Variants in NTM observed in about 807,000 individuals in gnomAD.
NTM encodes neurotrimin, also known as IgLON family member 2.
A neutral mutation model predicts 42.1 loss-of-function variants in NTM; 13 were observed. The ratio of observed to expected loss-of-function variants is 0.31; its 90% CI spans 0.20 to 0.49. The LOEUF (loss-of-function observed/expected upper bound fraction) is 0.49. Among genes scored for constraint, NTM ranks in the 20% least tolerant of loss-of-function variants. NTM has a pLI of 0.99. For synonymous variants in NTM, 187 were observed against 179.2 expected (o/e 1.04, Z -0.35); for missense variants, 373 against 452.8 (o/e 0.82, Z 1.60).
chr11:131,524,205 C>T (rs538013838), intron 1 of NTM, among the ~76,000 whole-genome samples: 1 of 152,214 alleles, frequency 6.6e-6, no homozygotes, highest in African/African-American at 2.4e-5. Context: ...TCACGCCTTG[C>T]TGCTGTGGAA....
At chr11:131,673,648 C>T (rs1228865570) in intron 1 of NTM, among the ~76,000 whole-genome samples, 1 of 152,186 alleles carries the variant, frequency 6.6e-6, no homozygotes, top group East Asian at 1.9e-4. Context: ...AAATGCTCTT[C>T]CATCCCTCAC....
chr11:131,940,844 G>A (rs543642027), intron 2 of NTM, among the ~76,000 whole-genome samples: 17 of 152,238 alleles, frequency 1.1e-4, no homozygotes, highest in African/African-American at 2.6e-4. Flanking sequence ...GATAATTATC[G>A]CAATTATTTA....
At chr11:132,281,331 T>C (rs1007569426) in intron 4 of NTM, among the ~76,000 whole-genome samples, 2 of 152,194 alleles carry the variant, frequency 1.3e-5, no homozygotes, top group African/African-American at 4.8e-5. Context: ...TTTCTTAATA[T>C]ATTATTATTT....
intron 2 of NTM, among the ~76,000 whole-genome samples, chr11:132,015,620 A>G (rs1190855598): frequency 6.9e-6 from 1 of 144,416 alleles, no homozygotes; most frequent in African/African-American, 2.5e-5. Flanking sequence ...TCTGAAGTAA[A>G]ATTTATTCTT....
At chr11:132,311,468 A>G (rs7932222) in intron 6 of NTM, among the ~76,000 whole-genome samples, 2,048 of 152,300 alleles carry the variant, frequency 0.013, 42 homozygotes, top group African/African-American at 0.047. Context: ...CTCATGAAGA[A>G]ATAGAGCTGG....
intron 3 of NTM, among the ~76,000 whole-genome samples, chr11:132,183,000 T>G (rs2077813009): frequency 1.3e-5 from 2 of 152,204 alleles, no homozygotes; most frequent in African/African-American, 4.8e-5. Flanking sequence ...TCTTTGCATT[T>G]TCCTCCCTGA....
intron 3 of NTM, among the ~76,000 whole-genome samples, chr11:132,155,245 G>GAT (rs1313712674): frequency 2.0e-5 from 3 of 152,128 alleles, no homozygotes; most frequent in African/African-American, 7.2e-5. Flanking sequence ...TTCCAGATTA[G>GAT]ATATTCCCAA....
At chr11:131,559,371 G>A (rs540234435) in intron 1 of NTM, among the ~76,000 whole-genome samples, 1 of 152,196 alleles carries the variant, frequency 6.6e-6, no homozygotes, top group Non-Finnish European at 1.5e-5. Context: ...CAGTTCTCTG[G>A]TAAAGTGATT....
chr11:131,520,749 TAAAAG>T (rs1169686294), intron 1 of NTM, among the ~76,000 whole-genome samples: 5 of 110,390 alleles, frequency 4.5e-5, no homozygotes, highest in Middle Eastern at 4.7e-3. Context: ...ACACTACCCT[TAAAAG>T]AAAAAAAAAA....
At chr11:131,621,407 T>C (rs948738185) in intron 1 of NTM, among the ~76,000 whole-genome samples, 1 of 152,130 alleles carries the variant, frequency 6.6e-6, no homozygotes, top group Non-Finnish European at 1.5e-5. Flanking sequence ...GAGAAAGCTT[T>C]GTCTGTATGC....
At chr11:131,693,576 A>G (rs2075060570) in intron 1 of NTM, among the ~76,000 whole-genome samples, 1 of 152,282 alleles carries the variant, frequency 6.6e-6, no homozygotes, top group Non-Finnish European at 1.5e-5. Flanking sequence ...AGGGGAGGTG[A>G]CAGGAGAAAA....
chr11:131,442,415 A>G (rs1949696088), intron 1 of NTM, among the ~76,000 whole-genome samples: 1 of 152,168 alleles, frequency 6.6e-6, no homozygotes, highest in African/African-American at 2.4e-5. Context: ...GTGCATGGTC[A>G]AATTCTTTTT....
intron 3 of NTM, among the ~76,000 whole-genome samples, chr11:132,205,116 G>A (rs2081777834): frequency 6.6e-6 from 1 of 152,162 alleles, no homozygotes. Context: ...TGTGAGAACT[G>A]CCCGGAGGAG....
intron 2 of NTM, among the ~76,000 whole-genome samples, chr11:132,004,668 CACATAGACACAT>C (rs1307584466): frequency 6.6e-6 from 1 of 151,200 alleles, no homozygotes; most frequent in African/African-American, 2.5e-5. Flanking sequence ...CACACACACA[CACATAGACACAT>C]ACACAGGTGC....
chr11:132,283,080 G>A (rs1242269299), intron 4 of NTM, among the ~76,000 whole-genome samples: 1 of 147,472 alleles, frequency 6.8e-6, no homozygotes, highest in African/African-American at 2.5e-5. Flanking sequence ...TTCGCCTCCT[G>A]GGTTCAAGCG....
intron 4 of NTM, among the ~76,000 whole-genome samples, chr11:132,273,694 G>C (rs1018227897): frequency 6.6e-6 from 1 of 152,072 alleles, no homozygotes; most frequent in Non-Finnish European, 1.5e-5. Flanking sequence ...ATCACATGAG[G>C]TCAGGAGTTC....
intron 1 of NTM, chr11:131,660,926 T>C: frequency 7.7e-7 from 1 of 1,300,046 alleles, no homozygotes; most frequent in South Asian, 1.2e-5. Context: ...TCTCTTTTTA[T>C]AGGTAAGTGA....
chr11:132,146,577 G>A lies in NTM; in HGVS notation c.400+63G>A, dbSNP rs539653588. The A allele has an allele frequency of 3.2e-6, 5 of 1,549,494 alleles. No individual in the cohort carries two copies. The Admixed American group carries it at 7.1e-5, about 22-fold the overall frequency. On this transcript the variant is annotated intron_variant, in intron 3 of 8. Transcript: ENST00000683400. The surrounding 1 kb of genome is among the most constrained non-coding windows in gnomAD (Gnocchi z 4.5). Reference sequence around the variant, plus strand: ...CAGCCTGGAAAGCCTTCAGGTAAAGGTTTGTTCTCTGATCCTCAACAGAGA... The same window carrying A: ...CAGCCTGGAAAGCCTTCAGGTAAAGATTTGTTCTCTGATCCTCAACAGAGA...
chr11:131,616,348 C>T (rs1565713387), intron 1 of NTM, among the ~76,000 whole-genome samples: 1 of 152,162 alleles, frequency 6.6e-6, no homozygotes, highest in Non-Finnish European at 1.5e-5. Flanking sequence ...GAAAAAGAAA[C>T]ATTTATCAAA....
Sources: gnomAD v4.1 joint callset for allele counts (sites outside exome capture counted in the v4.1 genomes callset) on GRCh38, gnomAD v4.1.1 for gene constraint, Gnocchi (gnomAD v3.1) non-coding constraint, MANE v1.5 for transcripts, NCBI Gene and HGNC (gene_info 2026-07-23, HGNC 2026-07-21) for gene names.